FER1L5: variants seen among roughly 807,000 people sequenced by gnomAD.
The protein encoded by FER1L5 is fer-1-like protein 5.
Under a neutral mutation model 279.9 loss-of-function variants are expected in FER1L5, and 187 were observed. The observed-to-expected ratio is 0.67, with a 90% CI of 0.59 to 0.75. The LOEUF (loss-of-function observed/expected upper bound fraction) is 0.75. Ranked by LOEUF, FER1L5 falls within the 30% of genes least tolerant of loss-of-function variation. The probability of loss-of-function intolerance (pLI) is 0.00; values close to 1 mark genes in which losing one functional copy is unlikely to be tolerated. For synonymous variants in FER1L5, 921 were observed against 989.7 expected (o/e 0.93, Z 1.30); for missense variants, 2,091 against 2,594.4 (o/e 0.81, Z 4.21).
chr2:96,699,079 C>G lies in FER1L5; in HGVS notation c.4553C>G (p.Thr1518Arg). 6.2e-7 allele frequency: 1 copy of G among 1,612,096 alleles called. No homozygotes were observed. Among genetic ancestry groups the G allele is most frequent in the Non-Finnish European group, 8.5e-7 (1 of 1,179,158 alleles). ...TATGTGATCCTGAAACTGGGCAAGA[C>G]AGAGCTTGGCAACCGGGACATGTAC... ...DPYVILKLGK[T>R]ELGNRDMYQP... is the part of the protein sequence containing the mutation. The change falls in exon 42 of 53, where the codon ACA becomes AGA. Residue 1518 changes from threonine (T) to arginine (R), a missense_variant. Transcript: ENST00000624922.
At chr2:96,653,423 C>A in intron 7 of FER1L5, 1 of 556,100 alleles carries the variant, frequency 1.8e-6, no homozygotes, top group Non-Finnish European at 3.2e-6. Context: ...TGAGCATTTC[C>A]TTTGAGGGTC....
At position 96,698,892 on chromosome 2, in the gene FER1L5, G is replaced by A; in HGVS notation, c.4518+60G>A. On this transcript the variant is annotated intron_variant, in intron 41 of 52. Transcript: ENST00000624922. This position sits in a 1 kb window ranked among gnomAD's most constrained non-coding sequence, Gnocchi z 5.5. ...GCACGCTCCCCTCAACCCATCTCTGGGAGCCCCCTCCGACTGCTGACACAC... is the reference window on the plus strand; with the variant it reads ...GCACGCTCCCCTCAACCCATCTCTGAGAGCCCCCTCCGACTGCTGACACAC... 14 of 1,542,194 alleles carry A rather than the reference G, an allele frequency of 9.1e-6. No individual in the cohort carries two copies. Among genetic ancestry groups the A allele is most frequent in the Non-Finnish European group, 1.2e-5 (14 of 1,139,422 alleles).
rs963605032 is a variant in FER1L5 at position 96,689,587 on chromosome 2, G to A, written c.2526-57G>A. On this transcript the variant is annotated intron_variant, in intron 25 of 52. Transcript: ENST00000624922. This position sits in a 1 kb window ranked among gnomAD's most constrained non-coding sequence, Gnocchi z 4.6. ...TGGGAACGCTTGGCCAGCAGAAGAC[G>A]GCCCTAGGGGCTGCTTGGGGAGTTG... 39 of 1,489,790 alleles carry A rather than the reference G, an allele frequency of 2.6e-5. No homozygotes were observed. Among genetic ancestry groups the A allele is most frequent in the African/African-American group, 1.8e-4 (13 of 71,732 alleles). 92.3% of individuals were successfully genotyped at this position (1,489,790 alleles called of 1,614,324 possible).
intron 19 of FER1L5, among the ~76,000 whole-genome samples, chr2:96,681,881 G>A (rs1000183365): frequency 1.4e-4 from 21 of 148,896 alleles, no homozygotes; most frequent in Admixed American, 1.2e-3. Flanking sequence ...CACCTCTCGG[G>A]TTCAAGCAAT....
At chr2:96,695,412 T>G in intron 34 of FER1L5, 97 bp from the exon 35 acceptor site, 1 of 1,445,640 alleles carries the variant, frequency 6.9e-7, no homozygotes, top group East Asian at 2.5e-5. Flanking sequence ...AGGCTCCTGC[T>G]GCACCGCTAT....
intron 50 of FER1L5, 23 bp from the exon 51 acceptor site, chr2:96,703,498 TCC>T: frequency 1.2e-6 from 2 of 1,612,764 alleles, no homozygotes; most frequent in Non-Finnish European, 1.7e-6. Context: ...GCACTCAGCC[TCC>T]CCCTCACCCA....
chr2:96,696,006 G>A, intron 36 of FER1L5, 46 bp from the exon 37 acceptor site: 1 of 1,612,338 alleles, frequency 6.2e-7, no homozygotes, highest in South Asian at 1.1e-5. Flanking sequence ...TTCCTCCTCA[G>A]CCCTCTCCCC....
At chr2:96,692,581 G>A (rs1210883568) in intron 31 of FER1L5, among the ~76,000 whole-genome samples, 1 of 152,234 alleles carries the variant, frequency 6.6e-6, no homozygotes, top group African/African-American at 2.4e-5. Flanking sequence ...TTGTCTGGCA[G>A]TTACTAGTGG....
rs747468079 is a variant in FER1L5, at chr2:96,661,735, C to T, written c.962C>T (p.Pro321Leu). 32 of 1,551,570 alleles carry T rather than the reference C, an allele frequency of 2.1e-5. No homozygotes were observed. The highest frequency in any genetic ancestry group is 1.7e-4 in the Middle Eastern group (1 of 6,012). Reference sequence around the variant, plus strand: ...CAGATCTTCAAGTCAGCGGTAGTCCCGATCAACATGGCTTACTTACAGCTC... The same window carrying T: ...CAGATCTTCAAGTCAGCGGTAGTCCTGATCAACATGGCTTACTTACAGCTC... Reference protein sequence around the residue: ...DIQIFKSAVVPINMAYLQLFI... With the variant: ...DIQIFKSAVVLINMAYLQLFI... Residue 321 changes from proline (P) to leucine (L), a missense_variant, in exon 12 of 53, where the codon CCG (proline) becomes CTG (leucine). Pro to Leu is a moderately conservative substitution (Grantham distance 98). Coordinates refer to ENST00000624922, the MANE Select transcript of FER1L5 (RefSeq NM_001293083.2).
At chr2:96,679,554 A>C (rs1432920460) in intron 19 of FER1L5, among the ~76,000 whole-genome samples, 1 of 152,098 alleles carries the variant, frequency 6.6e-6, no homozygotes, top group Non-Finnish European at 1.5e-5. Context: ...TACCTCTTAC[A>C]CTTATCTGTA....
rs1004504623 is a variant in FER1L5 at position 96,694,125 on chromosome 2, G to C, written c.3636+53G>C. The stretch of plus-strand genomic sequence containing the variant: ...AGTGTGGCACTCAGTGCCCCTCCCC[G>C]TCCCACCCCCAGCCAGCGGGGGCCA... On this transcript the variant is annotated intron_variant, in intron 33 of 52. Coordinates refer to ENST00000624922, the MANE Select transcript of FER1L5 (RefSeq NM_001293083.2). The surrounding 1 kb of genome is among the most constrained non-coding windows in gnomAD (Gnocchi z 4.6). 6.7e-7 allele frequency: 1 copy of C among 1,496,018 alleles called. No homozygotes were observed. Among genetic ancestry groups the C allele is most frequent in the Non-Finnish European group, 8.9e-7 (1 of 1,125,292 alleles). The allele number at this position is 1,496,018 out of a possible 1,614,324, so 92.7% of individuals were successfully genotyped here.
chr2:96,672,799 G>A (rs2076376423), intron 18 of FER1L5, among the ~76,000 whole-genome samples: 1 of 152,084 alleles, frequency 6.6e-6, no homozygotes, highest in East Asian at 1.9e-4. Flanking sequence ...CCAACTCAGA[G>A]CCTACCCTAA....
intron 19 of FER1L5, among the ~76,000 whole-genome samples, chr2:96,676,962 C>T (rs2076533319): frequency 6.6e-6 from 1 of 152,144 alleles, no homozygotes; most frequent in East Asian, 1.9e-4. Flanking sequence ...CTGCTTCAGC[C>T]TCCCCAGTAG....
In FER1L5 at chr2:96,673,231, C is replaced by G. The variant is rs1367546910; in HGVS notation, c.1646C>G (p.Pro549Arg). ...LNYKPLVSST[P>R]YSPVIYDGNI... ...TACAAGCCTCTAGTCTCAAGCACAC[C>G]GTACAGCCCAGTGATATATGATGGT... Residue 549 changes from proline to arginine, a missense_variant, in exon 19 of 53, where the codon CCG becomes CGG. By Grantham distance (103) the Pro-to-Arg change is moderately radical. Transcript: ENST00000624922. 4 of 1,551,362 alleles carry G rather than the reference C, an allele frequency of 2.6e-6. No individual in the cohort carries two copies. In the South Asian group the frequency reaches 4.8e-5, roughly 18 times the overall value.
At chr2:96,643,779 G>A (rs1039325433) in intron 1 of FER1L5, among the ~76,000 whole-genome samples, 4 of 151,322 alleles carry the variant, frequency 2.6e-5, no homozygotes, top group African/African-American at 7.3e-5. Flanking sequence ...AGAAGGAAGG[G>A]AAAGAAAGGG....
At position 96,659,290 on chromosome 2, in the gene FER1L5, T is replaced by TGCCTGCCTTCC. The variant is rs2075732527; in HGVS notation, c.748-1051_748-1050insGCCTGCCTTCC. Among the ~76,000 whole-genome samples, 15 of 81,030 alleles carry TGCCTGCCTTCC rather than the reference T, an allele frequency of 1.9e-4. No homozygotes were observed. The East Asian group carries it at 2.3e-3, about 12-fold the overall frequency. 53.2% of individuals were successfully genotyped at this position (81,030 alleles called of 152,430 possible). A position where few individuals can be genotyped will look rare whatever the true frequency, so the allele number is the denominator to read the frequency against. On this transcript the variant is annotated intron_variant, in intron 9 of 52. Transcript: ENST00000624922. ...TTTGATGAAGTCCAATTTATCAAGC[T>TGCCTGCCTTCC]TTCCTTCCTTCCTTCCTTCCTTCCT... is the stretch of plus-strand genomic sequence containing the variant.
chr2:96,652,158 G>C, intron 7 of FER1L5, 138 bp downstream of exon 7: 1 of 1,224,010 alleles, frequency 8.2e-7, no homozygotes, highest in Non-Finnish European at 1.1e-6. Flanking sequence ...TCTACTGAGG[G>C]CCAAGCACTG....
chr2:96,668,623 A>T, intron 14 of FER1L5, 128 bp from the exon 15 acceptor site: 1 of 1,046,042 alleles, frequency 9.6e-7, no homozygotes, highest in Non-Finnish European at 1.4e-6. Flanking sequence ...TCTATGATGA[A>T]GTGGCTCACT....
intron 6 of FER1L5, among the ~76,000 whole-genome samples, chr2:96,651,596 G>A (rs1052409415): frequency 1.3e-5 from 2 of 151,876 alleles, no homozygotes; most frequent in African/African-American, 4.8e-5. Context: ...AGACCTCTGG[G>A]CTCAGGTGAT....
Sources: allele counts gnomAD v4.1 joint callset (sites outside exome capture counted in the v4.1 genomes callset), GRCh38; gene constraint gnomAD v4.1.1; non-coding constraint Gnocchi (gnomAD v3.1); transcripts MANE v1.5; gene names NCBI Gene and HGNC (gene_info 2026-07-23, HGNC 2026-07-21).